BICC1: variants seen among roughly 807,000 people sequenced by gnomAD.
BICC1 encodes the protein protein bicaudal C homolog 1.
In BICC1, 43 loss-of-function variants were observed where a neutral mutation model predicts 111.0. That is an observed-to-expected ratio of 0.39 (90% CI 0.30 to 0.50). The LOEUF (loss-of-function observed/expected upper bound fraction) is 0.50, where lower values mean the gene tolerates loss of function less well. Among genes scored for constraint, BICC1 ranks in the 20% least tolerant of loss-of-function variants. The pLI is 0.88. For synonymous variants in BICC1, 467 were observed against 434.4 expected (o/e 1.07, Z -0.93); for missense variants, 1,091 against 1,203.2 (o/e 0.91, Z 1.38).
In BICC1 at chr10:58,699,087, G is replaced by A. The variant is rs978439449; in HGVS notation, c.238-2987G>A. On this transcript the variant is annotated intron_variant, in intron 2 of 20. Coordinates refer to ENST00000373886, the MANE Select transcript of BICC1 (RefSeq NM_001080512.3). ...TTTTCTAGTCATATAGGAGAGGTCA[G>A]CTCCAGATGTCAAATTCTAATTACT... Among the ~76,000 whole-genome samples, 5 of 152,212 alleles carry A rather than the reference G, an allele frequency of 3.3e-5. No homozygotes were observed. In the East Asian group the frequency reaches 5.8e-4, roughly 18 times the overall value.
At chr10:58,774,796 ATTAG>A (rs2132737175) in intron 3 of BICC1, among the ~76,000 whole-genome samples, 1 of 152,266 alleles carries the variant, frequency 6.6e-6, no homozygotes, top group Non-Finnish European at 1.5e-5. Flanking sequence ...TTAAAAAGTG[ATTAG>A]TAAGGTTGAA....
At chr10:58,633,415 C>A (rs1238491747) in intron 2 of BICC1, among the ~76,000 whole-genome samples, 3 of 152,212 alleles carry the variant, frequency 2.0e-5, no homozygotes, top group African/African-American at 7.2e-5. Context: ...TGCTTTGCAG[C>A]ATCTGACTTC....
rs532195395 is a variant in BICC1, at chr10:58,722,357, G to A, written c.307+20214G>A. ...TAGCGGAGAAGGAATAGTGTTTATT[G>A]ATTTTTTTTCTCCTGTTGTCTATTA... On this transcript the variant is annotated intron_variant, in intron 3 of 20. Transcript: ENST00000373886. 2.0e-5 allele frequency among the ~76,000 whole-genome samples: 3 copies of A among 152,120 alleles called. No homozygotes were observed. The South Asian group carries it at 6.2e-4, about 32-fold the overall frequency.
intron 1 of BICC1, among the ~76,000 whole-genome samples, chr10:58,527,372 G>A (rs2917950): frequency 0.43 from 66,079 of 151,974 alleles, 16,149 homozygotes; most frequent in Admixed American, 0.62. Context: ...TCTGTACGTT[G>A]CCTGTTCACT....
chr10:58,621,201 G>A (rs1010907812), intron 2 of BICC1, among the ~76,000 whole-genome samples: 1 of 152,198 alleles, frequency 6.6e-6, no homozygotes, highest in Non-Finnish European at 1.5e-5. Flanking sequence ...CATTTGGCTG[G>A]CATGTGACAT....
chr10:58,603,930 T>C (rs1163815917), intron 1 of BICC1, among the ~76,000 whole-genome samples: 2 of 152,240 alleles, frequency 1.3e-5, no homozygotes, highest in African/African-American at 4.8e-5. Flanking sequence ...GTAATAAGTA[T>C]TGCCAATATT....
intron 1 of BICC1, among the ~76,000 whole-genome samples, chr10:58,549,766 A>C (rs901924565): frequency 6.1e-5 from 9 of 146,562 alleles, no homozygotes; most frequent in African/African-American, 2.3e-4. Flanking sequence ...GCTCACTGCA[A>C]CCTCCGCTTC....
intron 3 of BICC1, among the ~76,000 whole-genome samples, chr10:58,767,303 T>C (rs1204255216): frequency 6.6e-6 from 1 of 152,092 alleles, no homozygotes; most frequent in African/African-American, 2.4e-5. Context: ...CCTGGCTTTG[T>C]GAGATTGAGA....
At chr10:58,583,714 G>A (rs1203439738) in intron 1 of BICC1, among the ~76,000 whole-genome samples, 2 of 151,940 alleles carry the variant, frequency 1.3e-5, no homozygotes, top group Non-Finnish European at 1.5e-5. Flanking sequence ...GTTGCAAATT[G>A]TGCTGTTATA....
Position 58,803,173 on chromosome 10 carries a change from G to A in BICC1, c.2112G>A (p.Arg704=), listed in dbSNP as rs1452969558. The A allele has an allele frequency of 6.2e-7, 1 of 1,611,322 alleles. No homozygotes were observed. The highest frequency in any genetic ancestry group is 8.5e-7 in the Non-Finnish European group (1 of 1,178,664). The change falls in exon 15 of 21, where the codon AGG becomes AGA. Residue 704 remains arginine (R), a synonymous_variant. Coordinates refer to ENST00000373886, the MANE Select transcript of BICC1 (RefSeq NM_001080512.3). ...KAPGSERAAE[R]AAAAQQNSER... is the part of the protein sequence containing the mutation. Reference sequence around the variant, plus strand: ...CAGGGAGTGAGCGCGCTGCAGAGAGGGCAGCAGCTGCCCAGCAAAACTCCG... The same window carrying A: ...CAGGGAGTGAGCGCGCTGCAGAGAGAGCAGCAGCTGCCCAGCAAAACTCCG...
At chr10:58,539,768 C>G (rs1842913940) in intron 1 of BICC1, among the ~76,000 whole-genome samples, 1 of 151,834 alleles carries the variant, frequency 6.6e-6, no homozygotes, top group Non-Finnish European at 1.5e-5. Flanking sequence ...TTGAATAATG[C>G]TATAGACCAA....
intron 4 of BICC1, among the ~76,000 whole-genome samples, chr10:58,785,753 A>G (rs1357760173): frequency 3.3e-5 from 5 of 152,214 alleles, no homozygotes; most frequent in Non-Finnish European, 5.9e-5. Context: ...TAACTGACTC[A>G]GCACAAAGGT....
At chr10:58,568,149 A>G (rs1209211061) in intron 1 of BICC1, among the ~76,000 whole-genome samples, 2 of 152,084 alleles carry the variant, frequency 1.3e-5, no homozygotes, top group African/African-American at 2.4e-5. Flanking sequence ...TCCAGTCTCT[A>G]GGAGAGCTTT....
chr10:58,551,541 A>G (rs1379820570), intron 1 of BICC1, among the ~76,000 whole-genome samples: 1 of 152,198 alleles, frequency 6.6e-6, no homozygotes, highest in Non-Finnish European at 1.5e-5. Context: ...TCAAGTATAC[A>G]GTACATTGTT....
chr10:58,778,792 G>A lies in BICC1; in HGVS notation c.308-6209G>A, dbSNP rs80137509. On this transcript the variant is annotated intron_variant, in intron 3 of 20. Coordinates refer to ENST00000373886, the MANE Select transcript of BICC1 (RefSeq NM_001080512.3). ...TGACATGTTATGGCTGCCCACTAAC[G>A]TTTTGCTTTAACTATGTGTGGCTTG... Among the ~76,000 whole-genome samples, 1,697 of 152,268 alleles carry A rather than the reference G, an allele frequency of 0.011. 103 individuals are homozygous for A. The East Asian group carries it at 0.16, about 14-fold the overall frequency.
chr10:58,679,057 G>A (rs1839432716), intron 2 of BICC1, among the ~76,000 whole-genome samples: 1 of 152,180 alleles, frequency 6.6e-6, no homozygotes, highest in Non-Finnish European at 1.5e-5. Flanking sequence ...GAAATATATG[G>A]CACTAAATTC....
At chr10:58,824,061 A>C (rs376451922) in intron 20 of BICC1, 3 of 984,328 alleles carry the variant, frequency 3.0e-6, no homozygotes, top group East Asian at 1.1e-4. Context: ...TAAATTTGGC[A>C]TGTTAAAATA....
rs539128708 is a variant in BICC1, at chr10:58,680,968, A to G, written c.238-21106A>G. On this transcript the variant is annotated intron_variant, in intron 2 of 20. Coordinates refer to ENST00000373886, the MANE Select transcript of BICC1 (RefSeq NM_001080512.3). The stretch of plus-strand genomic sequence containing the variant: ...ATGGTGTTGGGAAAACTGGCTAGCC[A>G]TATGCAGAAAATTGAAACTGGACCC... Among the ~76,000 whole-genome samples, 8 of 152,356 alleles carry G rather than the reference A, an allele frequency of 5.3e-5. No individual in the cohort carries two copies. In the East Asian group the frequency reaches 1.5e-3, roughly 29 times the overall value.
Position 58,656,721 on chromosome 10 carries a change from C to G in BICC1, c.237+35820C>G, listed in dbSNP as rs147178120. Among the ~76,000 whole-genome samples, 18 of 152,250 alleles carry G rather than the reference C, an allele frequency of 1.2e-4. No homozygotes were observed. In the East Asian group the frequency reaches 3.1e-3, roughly 26 times the overall value. On this transcript the variant is annotated intron_variant, in intron 2 of 20. Coordinates refer to ENST00000373886, the MANE Select transcript of BICC1 (RefSeq NM_001080512.3). ...AAATATCATCCTTTAATCATAGAGG[C>G]TCTAATAAGTTCAGTTCTAAAATTT...
Sources: gnomAD v4.1 joint callset for allele counts (sites outside exome capture counted in the v4.1 genomes callset) on GRCh38, gnomAD v4.1.1 for gene constraint, MANE v1.5 for transcripts, NCBI Gene and HGNC (gene_info 2026-07-23, HGNC 2026-07-21) for gene names.